Variants in HIPK2 observed in about 807,000 individuals in gnomAD.
HIPK2 encodes the protein homeodomain interacting protein kinase 2, also known as homeodomain-interacting protein kinase 2.
A neutral mutation model predicts 113.7 loss-of-function variants in HIPK2; 27 were observed. The ratio of observed to expected loss-of-function variants is 0.24; its 90% CI spans 0.17 to 0.33. HIPK2 has a LOEUF of 0.33. Ranked by LOEUF, HIPK2 falls within the 10% of genes least tolerant of loss-of-function variation. The pLI, the probability that HIPK2 is intolerant of heterozygous loss-of-function variation, is 1.00. For missense variants in HIPK2, 1,257 were observed against 1,588.0 expected (o/e 0.79, Z 3.54); for synonymous variants, 631 against 642.2 (o/e 0.98, Z 0.26).
rs535028791 is a variant in HIPK2, at chr7:139,678,660, C to T, written c.1103+37272G>A. Among the ~76,000 whole-genome samples, 5 of 152,270 alleles carry T rather than the reference C, an allele frequency of 3.3e-5. No homozygotes were observed. The South Asian group carries it at 8.3e-4, about 25-fold the overall frequency. On this transcript the variant is annotated intron_variant, in intron 2 of 14. Transcript: ENST00000406875. ...CTTAGGATTGTCTTGGCTATACAGG[C>T]TCTTTTTTGGTTCCATATGAAATTT...
chr7:139,591,933 G>A (rs544633815), intron 12 of HIPK2, among the ~76,000 whole-genome samples: 12 of 152,244 alleles, frequency 7.9e-5, no homozygotes, highest in Non-Finnish European at 8.8e-5. Context: ...TAGCAATGGA[G>A]GCTAATCCCA....
chr7:139,699,730 G>A (rs1794656413), intron 2 of HIPK2, among the ~76,000 whole-genome samples: 3 of 152,342 alleles, frequency 2.0e-5, no homozygotes, highest in Admixed American at 2.0e-4. Context: ...TGGCATGGCT[G>A]TCACCTGCAT....
At chr7:139,602,867 C>T (rs966199711) in intron 10 of HIPK2, among the ~76,000 whole-genome samples, 10 of 152,162 alleles carry the variant, frequency 6.6e-5, no homozygotes, top group Non-Finnish European at 1.2e-4. Context: ...CATTACTATC[C>T]CCACTTTATT....
At chr7:139,615,615 ACT>A (rs1214190455) in intron 7 of HIPK2, among the ~76,000 whole-genome samples, 1 of 152,256 alleles carries the variant, frequency 6.6e-6, no homozygotes, top group Non-Finnish European at 1.5e-5. Flanking sequence ...CACATTCAGC[ACT>A]GTCTACAAGA....
At chr7:139,591,310 C>T (rs1799014362) in intron 12 of HIPK2, among the ~76,000 whole-genome samples, 1 of 152,206 alleles carries the variant, frequency 6.6e-6, no homozygotes, top group South Asian at 2.1e-4. Context: ...GTCACCTCGT[C>T]CTTGTCCCAT....
At position 139,569,870 on chromosome 7, in the gene HIPK2, C is replaced by A. The variant is rs1043370127; in HGVS notation, c.*3057G>T. 6.6e-6 allele frequency: 1 copy of A among 151,794 alleles called. No homozygotes were observed. Among genetic ancestry groups the A allele is most frequent in the Non-Finnish European group, 1.5e-5 (1 of 67,984 alleles). The allele number at this position is 151,794 out of a possible 1,614,324, so 9.4% of individuals were successfully genotyped here. On this transcript the variant is annotated 3_prime_UTR_variant, in exon 15 of 15. Coordinates refer to ENST00000406875, the MANE Select transcript of HIPK2 (RefSeq NM_022740.5). ...ACTTGGAATAAATGTGCATTTAAAA[C>A]CCTGACTAAAATATCAACATAATGA...
At chr7:139,702,155 C>T (rs1425557370) in intron 2 of HIPK2, among the ~76,000 whole-genome samples, 3 of 152,174 alleles carry the variant, frequency 2.0e-5, no homozygotes, top group Admixed American at 2.0e-4. Flanking sequence ...GAGACAGCGG[C>T]GGGAGAGGCT....
At chr7:139,645,002 C>T (rs1434759355) in intron 2 of HIPK2, among the ~76,000 whole-genome samples, 1 of 152,236 alleles carries the variant, frequency 6.6e-6, no homozygotes, top group Non-Finnish European at 1.5e-5. Flanking sequence ...CAAAACTTCT[C>T]ATTGCTTCAA....
In HIPK2 at chr7:139,614,328, G is replaced by A; in HGVS notation, c.1948C>T (p.Pro650Ser). 1.3e-6 allele frequency: 2 copies of A among 1,566,764 alleles called. No homozygotes were observed. The highest frequency in any genetic ancestry group is 1.7e-6 in the Non-Finnish European group (2 of 1,149,282). Residue 650 changes from proline (P) to serine (S), a missense_variant, in exon 8 of 15, where the codon CCG becomes TCG. By Grantham distance (74) the Pro-to-Ser change is moderately conservative (BLOSUM62 -1). Transcript: ENST00000406875. ...GTAQICARPD[P>S]FQQALIVCPP... ...CACACGATGAGAGCTTGCTGGAACG[G>A]GTCAGGCCGGGCACAAATCTGGGCT...
intron 2 of HIPK2, among the ~76,000 whole-genome samples, chr7:139,699,241 G>C (rs1000928213): frequency 6.6e-6 from 1 of 152,078 alleles, no homozygotes; most frequent in East Asian, 1.9e-4. Context: ...TCCTGAAAAA[G>C]ATCTCCCTTC....
rs944914656 is a variant in HIPK2, at chr7:139,561,604, G to A, written c.*11323C>T. ...TTCAAACAGTTTAATGTAATTCCAA[G>A]ACAAAGTGTGATTACATTTCTACAC... On this transcript the variant is annotated 3_prime_UTR_variant, in exon 15 of 15. Coordinates refer to ENST00000406875, the MANE Select transcript of HIPK2 (RefSeq NM_022740.5). The A allele has an allele frequency of 3.3e-5, 5 of 152,168 alleles. No individual in the cohort carries two copies. Among genetic ancestry groups the A allele is most frequent in the Non-Finnish European group, 2.9e-5 (2 of 68,038 alleles). The allele number at this position is 152,168 out of a possible 1,614,324, so 9.4% of individuals were successfully genotyped here. A position where few individuals can be genotyped will look rare whatever the true frequency, so the allele number is the denominator to read the frequency against.
intron 2 of HIPK2, among the ~76,000 whole-genome samples, chr7:139,693,381 G>T (rs180944592): frequency 6.6e-6 from 1 of 152,322 alleles, no homozygotes; most frequent in Admixed American, 6.5e-5. Flanking sequence ...GTCTGTGTTT[G>T]AACACATTTC....
intron 2 of HIPK2, among the ~76,000 whole-genome samples, chr7:139,692,708 T>C (rs1794441174): frequency 6.6e-6 from 1 of 152,180 alleles, no homozygotes; most frequent in South Asian, 2.1e-4. Flanking sequence ...AGCATCTATA[T>C]GCATCAGAAA....
intron 11 of HIPK2, among the ~76,000 whole-genome samples, chr7:139,598,033 C>A (rs538679025): frequency 6.6e-6 from 1 of 152,180 alleles, no homozygotes; most frequent in Non-Finnish European, 1.5e-5. Flanking sequence ...AGCCTGAGGT[C>A]ATTTTATACA....
At chr7:139,732,631 C>T (rs990296255) in intron 1 of HIPK2, among the ~76,000 whole-genome samples, 1 of 151,590 alleles carries the variant, frequency 6.6e-6, no homozygotes, top group Non-Finnish European at 1.5e-5. Flanking sequence ...CCCTTTCTAG[C>T]TCTGTGATCT....
intron 2 of HIPK2, among the ~76,000 whole-genome samples, chr7:139,702,004 G>A (rs1049662788): frequency 6.6e-6 from 1 of 152,184 alleles, no homozygotes; most frequent in Non-Finnish European, 1.5e-5. Flanking sequence ...TCCCAGGTTA[G>A]GGATCTGGAC....
Position 139,689,640 on chromosome 7 carries a change from G to A in HIPK2, c.1103+26292C>T, listed in dbSNP as rs538046400. On this transcript the variant is annotated intron_variant, in intron 2 of 14. Transcript: ENST00000406875. The stretch of plus-strand genomic sequence containing the variant: ...TTTCTCACCTGATGAGCCCAGCCTG[G>A]AACTTTCCTATTACAAACCTGCCCA... 2.6e-5 allele frequency among the ~76,000 whole-genome samples: 4 copies of A among 152,248 alleles called. No homozygotes were observed. In the East Asian group the frequency reaches 7.7e-4, roughly 29 times the overall value.
chr7:139,681,009 T>C (rs1453260753), intron 2 of HIPK2, among the ~76,000 whole-genome samples: 2 of 152,222 alleles, frequency 1.3e-5, no homozygotes, highest in African/African-American at 2.4e-5. Flanking sequence ...TCCTCTTAGC[T>C]GGCGCTGAGT....
At chr7:139,590,599 AG>A (rs1798985503) in intron 12 of HIPK2, among the ~76,000 whole-genome samples, 1 of 152,204 alleles carries the variant, frequency 6.6e-6, no homozygotes, top group South Asian at 2.1e-4. Flanking sequence ...TATTAAGTAC[AG>A]GTAACATTTA....
Sources: allele counts gnomAD v4.1 joint callset (sites outside exome capture counted in the v4.1 genomes callset), GRCh38; gene constraint gnomAD v4.1.1; transcripts MANE v1.5; gene names NCBI Gene and HGNC (gene_info 2026-07-23, HGNC 2026-07-21).